The following HDLBP variants were observed in gnomAD, a reference collection of about 807,000 sequenced individuals.
HDLBP encodes the protein vigilin.
HDLBP carries 30 observed loss-of-function variants against 137.3 expected under a neutral mutation model. That is an observed-to-expected ratio of 0.22 (90% CI 0.16 to 0.30). The LOEUF is 0.30. HDLBP is among the 10% of genes least tolerant of loss of function. The pLI, the probability that HDLBP is intolerant of heterozygous loss-of-function variation, is 1.00. For missense variants in HDLBP, 1,119 were observed against 1,667.3 expected, an observed-to-expected ratio of 0.67 and a Z score of 5.73; for synonymous variants, 606 against 596.0, an observed-to-expected ratio of 1.02 and a Z score of -0.24.
chr2:241,269,238 C>T (rs1476599787), intron 1 of HDLBP: 2 of 151,900 alleles, frequency 1.3e-5, no homozygotes, highest in African/African-American at 4.9e-5. Context: ...AGGCTGGCGA[C>T]CACATGTGCT....
intron 21 of HDLBP, 128 bp from the exon 22 acceptor site, chr2:241,235,722 C>A: frequency 1.6e-6 from 1 of 638,510 alleles, no homozygotes; most frequent in Non-Finnish European, 2.8e-6. Context: ...CCCCACCCGA[C>A]AATGCCACCA....
At chr2:241,310,374 G>C (rs1156498767) in intron 1 of HDLBP, among the ~76,000 whole-genome samples, 1 of 152,126 alleles carries the variant, frequency 6.6e-6, no homozygotes, top group Non-Finnish European at 1.5e-5. Flanking sequence ...GGTGAATATA[G>C]TAAATAATAA....
chr2:241,239,963 T>C lies in HDLBP; in HGVS notation c.2329A>G (p.Ile777Val), dbSNP rs375902370. Reference protein sequence around the residue: ...EDKDQDLITIIGKEDAVREAQ... With the variant: ...EDKDQDLITIVGKEDAVREAQ... ...TCTCGGACGGCGTCCTCCTTTCCAA[T>C]GATGGTGATCAGGTCCTGGTCCTTG... Residue 777 changes from isoleucine to valine, a missense_variant, in exon 18 of 28, where the codon ATT becomes GTT. By Grantham distance (29) the Ile-to-Val change is conservative (BLOSUM62 3). Around this residue, in one of 4 missense-constraint regions of HDLBP, gnomAD observed 618 missense variants for 816.7 expected, o/e 0.76. Coordinates refer to ENST00000310931, the MANE Select transcript of HDLBP (RefSeq NM_005336.6). This position sits in a 1 kb window ranked among gnomAD's most constrained non-coding sequence, Gnocchi z 4.6. 15 of 1,614,210 alleles carry C rather than the reference T, an allele frequency of 9.3e-6. No individual in the cohort carries two copies. The highest frequency in any genetic ancestry group is 1.3e-5 in the African/African-American group (1 of 75,052).
chr2:241,261,742 G>T (rs2073203967), intron 5 of HDLBP, among the ~76,000 whole-genome samples: 1 of 152,226 alleles, frequency 6.6e-6, no homozygotes, highest in Non-Finnish European at 1.5e-5. Context: ...AGCTGGGGTT[G>T]GGGACTGTCC....
chr2:241,273,250 C>A (rs774488632), intron 1 of HDLBP: 12 of 985,006 alleles, frequency 1.2e-5, no homozygotes, highest in Non-Finnish European at 1.4e-5. Context: ...GGCTCCCAGG[C>A]GGCTCCAGGG....
At chr2:241,262,642 C>CTGCA (rs2149519899) in intron 5 of HDLBP, 69 bp downstream of exon 5, 1 of 1,227,324 alleles carries the variant, frequency 8.1e-7, no homozygotes, top group East Asian at 2.3e-5. Flanking sequence ...ACGTTCTAGC[C>CTGCA]TGCATCAGGA....
intron 9 of HDLBP, among the ~76,000 whole-genome samples, chr2:241,254,171 G>A (rs1387581317): frequency 3.9e-5 from 6 of 152,226 alleles, no homozygotes; most frequent in Admixed American, 2.0e-4. Context: ...AAGCTGAGAC[G>A]AGCGGATCAC....
chr2:241,268,873 A>G (rs1461630195), intron 1 of HDLBP: 1 of 152,204 alleles, frequency 6.6e-6, no homozygotes, highest in Non-Finnish European at 1.5e-5. Flanking sequence ...GCTCTCCTGC[A>G]TGGCTGGATC....
intron 1 of HDLBP, among the ~76,000 whole-genome samples, chr2:241,282,193 C>A (rs1252729128): frequency 1.3e-5 from 2 of 152,096 alleles, no homozygotes; most frequent in African/African-American, 2.4e-5. Flanking sequence ...TCTTTAATAA[C>A]CCATTTTTAA....
chr2:241,288,258 T>C (rs1052889064), intron 1 of HDLBP, among the ~76,000 whole-genome samples: 7 of 152,220 alleles, frequency 4.6e-5, no homozygotes, highest in African/African-American at 9.6e-5. Context: ...TTTTTTTTTG[T>C]TAATTTCCTT....
intron 1 of HDLBP, among the ~76,000 whole-genome samples, chr2:241,294,793 A>G (rs1188993086): frequency 6.6e-6 from 1 of 152,182 alleles, no homozygotes; most frequent in African/African-American, 2.4e-5. Flanking sequence ...GAAAATATAT[A>G]CTTATGGCTA....
chr2:241,287,792 C>T (rs920790496), intron 1 of HDLBP, among the ~76,000 whole-genome samples: 1 of 152,140 alleles, frequency 6.6e-6, no homozygotes, highest in Admixed American at 6.5e-5. Flanking sequence ...ATGCATAAGA[C>T]CTCTCTAGAA....
At chr2:241,236,256 A>T in intron 21 of HDLBP, 1 of 299,894 alleles carries the variant, frequency 3.3e-6, no homozygotes, top group Non-Finnish European at 6.3e-6. Flanking sequence ...AAGGTGAGCT[A>T]GGCCTGATAA....
At chr2:241,307,353 C>A (rs921185366) in intron 1 of HDLBP, among the ~76,000 whole-genome samples, 1 of 152,242 alleles carries the variant, frequency 6.6e-6, no homozygotes, top group African/African-American at 2.4e-5. Flanking sequence ...CTTCTTACCT[C>A]TTCCTGCCCC....
rs188415121 is a variant in HDLBP, at chr2:241,231,082, A to G, written c.3289-138T>C. 6.8e-5 allele frequency: 51 copies of G among 745,664 alleles called. No individual in the cohort carries two copies. In the African/African-American group the frequency reaches 8.0e-4, roughly 12 times the overall value. 46.2% of individuals were successfully genotyped at this position (745,664 alleles called of 1,614,324 possible). On this transcript the variant is annotated intron_variant, in intron 24 of 27. Transcript: ENST00000310931. Reference sequence around the variant, plus strand: ...AACGTCACGGCTGATTTAAAACAAGAGGTTAACAATGTCCACTCAGGGCCG... The same window carrying G: ...AACGTCACGGCTGATTTAAAACAAGGGGTTAACAATGTCCACTCAGGGCCG...
At chr2:241,249,194 G>A (rs2071915603) in intron 12 of HDLBP, among the ~76,000 whole-genome samples, 1 of 152,160 alleles carries the variant, frequency 6.6e-6, no homozygotes, top group African/African-American at 2.4e-5. Context: ...TGTGGGTACT[G>A]GGGTGAGGTG....
chr2:241,255,292 G>A (rs2072527187), intron 8 of HDLBP, 82 bp downstream of exon 8: 2 of 1,452,942 alleles, frequency 1.4e-6, no homozygotes, highest in Non-Finnish European at 1.9e-6. Context: ...CAGGCCCCAG[G>A]ATTTACAAAT....
At position 241,272,911 on chromosome 2, in the gene HDLBP, C is replaced by A. The variant is rs1054249171; in HGVS notation, c.-102-4370G>T. On this transcript the variant is annotated intron_variant, in intron 1 of 27. Coordinates refer to ENST00000310931, the MANE Select transcript of HDLBP (RefSeq NM_005336.6). The surrounding 1 kb of genome is among the most constrained non-coding windows in gnomAD (Gnocchi z 5.6). Reference sequence around the variant, plus strand: ...TGGACACGTCAGCGCCCGCCCGCCCCGCCGCTGGGGTCCCCGCCGCCCCGG... The same window carrying A: ...TGGACACGTCAGCGCCCGCCCGCCCAGCCGCTGGGGTCCCCGCCGCCCCGG... The A allele has an allele frequency of 4.7e-5, 31 of 655,222 alleles. No homozygotes were observed. The highest frequency in any genetic ancestry group is 3.2e-4 in the Admixed American group (5 of 15,842). The allele number at this position is 655,222 out of a possible 1,614,324, so 40.6% of individuals were successfully genotyped here.
intron 16 of HDLBP, among the ~76,000 whole-genome samples, chr2:241,244,706 A>C (rs1036727172): frequency 2.6e-5 from 4 of 152,258 alleles, no homozygotes; most frequent in African/African-American, 9.6e-5. Flanking sequence ...AGGAAAATGA[A>C]GACAAGGATC....
Sources: allele counts gnomAD v4.1 joint callset (sites outside exome capture counted in the v4.1 genomes callset), GRCh38; gene constraint gnomAD v4.1.1; regional missense constraint gnomAD v4.1.1; non-coding constraint Gnocchi (gnomAD v3.1); transcripts MANE v1.5; gene names NCBI Gene and HGNC (gene_info 2026-07-23, HGNC 2026-07-21).